ZFYVE28: variants seen among roughly 807,000 people sequenced by gnomAD.
ZFYVE28 encodes lateral signaling target protein 2 homolog.
Under a neutral mutation model 82.1 loss-of-function variants are expected in ZFYVE28, and 40 were observed. That is an observed-to-expected ratio of 0.49 (90% CI 0.38 to 0.63). ZFYVE28 has a LOEUF of 0.63. Ranked by LOEUF, ZFYVE28 falls within the 30% of genes least tolerant of loss-of-function variation. ZFYVE28 has a pLI of 0.00. For synonymous variants in ZFYVE28, 612 were observed against 546.1 expected (o/e 1.12, Z -1.68); for missense variants, 1,321 against 1,242.1 (o/e 1.06, Z -0.96).
Position 2,341,316 on chromosome 4 carries a change from G to A in ZFYVE28, c.318+162C>T. ...TTCCCAGATCCTCCAGGGGTGCACG[G>A]CCTACCAGGCTCAGACCACACCACG... On this transcript the variant is annotated intron_variant, in intron 3 of 12. Coordinates refer to ENST00000290974, the MANE Select transcript of ZFYVE28 (RefSeq NM_020972.3). This position sits in a 1 kb window ranked among gnomAD's most constrained non-coding sequence, Gnocchi z 4.5. 1.1e-6 allele frequency: 1 copy of A among 941,862 alleles called. No individual in the cohort carries two copies. The highest frequency in any genetic ancestry group is 1.6e-6 in the Non-Finnish European group (1 of 630,556). The allele number at this position is 941,862 out of a possible 1,614,324, so 58.3% of individuals were successfully genotyped here. A position where few individuals can be genotyped will look rare whatever the true frequency, so the allele number is the denominator to read the frequency against.
At chr4:2,294,970 A>AG (rs1212525716) in intron 8 of ZFYVE28, among the ~76,000 whole-genome samples, 1 of 151,868 alleles carries the variant, frequency 6.6e-6, no homozygotes, top group African/African-American at 2.4e-5. Context: ...CTTAAAAAAA[A>AG]AAAGATTTTC....
intron 8 of ZFYVE28, among the ~76,000 whole-genome samples, chr4:2,290,094 C>A (rs1713377138): frequency 6.6e-6 from 1 of 152,178 alleles, no homozygotes; most frequent in African/African-American, 2.4e-5. Flanking sequence ...ATGGCAGGCC[C>A]CGTCAGAGCC....
intron 1 of ZFYVE28, among the ~76,000 whole-genome samples, chr4:2,370,714 G>A (rs781551619): frequency 5.3e-5 from 8 of 152,170 alleles, no homozygotes; most frequent in Admixed American, 3.3e-4. Context: ...CCCACCTCTC[G>A]GCTCCCCGGA....
At chr4:2,391,259 C>T (rs1483447188) in intron 1 of ZFYVE28, among the ~76,000 whole-genome samples, 1 of 152,168 alleles carries the variant, frequency 6.6e-6, no homozygotes, top group African/African-American at 2.4e-5. Flanking sequence ...AGTCACTGTT[C>T]CTTCCTCTTT....
chr4:2,342,671 C>T (rs1240002970), intron 2 of ZFYVE28: 1 of 152,188 alleles, frequency 6.6e-6, no homozygotes, highest in African/African-American at 2.4e-5. Flanking sequence ...GGAGAAGAAG[C>T]CCATTTTTTT....
intron 1 of ZFYVE28, among the ~76,000 whole-genome samples, chr4:2,392,806 A>G (rs1729976633): frequency 6.6e-6 from 1 of 152,086 alleles, no homozygotes. Flanking sequence ...CTCTTCCCAT[A>G]CCCAATATTT....
At chr4:2,360,846 G>A (rs992624400) in intron 1 of ZFYVE28, among the ~76,000 whole-genome samples, 1 of 152,158 alleles carries the variant, frequency 6.6e-6, no homozygotes, top group African/African-American at 2.4e-5. Context: ...CTGCGGGCCC[G>A]ACAGATAAAT....
rs1249646091 is a variant in ZFYVE28 at position 2,408,967 on chromosome 4, CT to C, written c.39+9317del. Among the ~76,000 whole-genome samples, 1 of 152,194 alleles carries C rather than the reference CT, an allele frequency of 6.6e-6. No individual in the cohort carries two copies. Among genetic ancestry groups the C allele is most frequent in the Non-Finnish European group, 1.5e-5 (1 of 68,036 alleles). On this transcript the variant is annotated intron_variant, in intron 1 of 12. Coordinates refer to ENST00000290974, the MANE Select transcript of ZFYVE28 (RefSeq NM_020972.3). The surrounding 1 kb of genome is among the most constrained non-coding windows in gnomAD (Gnocchi z 4.3). ...TTATTTCTGGCACTAGGGGTTACAC[CT>C]TCTCTCTTGCCAGCTCAGTACTTTT...
At chr4:2,390,423 G>A (rs746271602) in intron 1 of ZFYVE28, among the ~76,000 whole-genome samples, 11 of 152,164 alleles carry the variant, frequency 7.2e-5, no homozygotes, top group Admixed American at 1.3e-4. Flanking sequence ...ACCACAGGGA[G>A]CCCCGTGTGT....
chr4:2,341,469 AC>A lies in ZFYVE28; in HGVS notation c.318+8del. 1 of 1,582,242 alleles carries A rather than the reference AC, an allele frequency of 6.3e-7. No homozygotes were observed. ...TCAGGACCTCCGAACCCGGGTGGCC[AC>A]CCGCTACCTCGGCACCGAACCACAG... is the stretch of plus-strand genomic sequence containing the variant. On this transcript the variant is annotated splice_region_variant and intron_variant, in intron 3 of 12. Coordinates refer to ENST00000290974, the MANE Select transcript of ZFYVE28 (RefSeq NM_020972.3). This position sits in a 1 kb window ranked among gnomAD's most constrained non-coding sequence, Gnocchi z 4.5.
At position 2,384,120 on chromosome 4, in the gene ZFYVE28, T is replaced by A. The variant is rs990047584; in HGVS notation, c.40-30047A>T. Among the ~76,000 whole-genome samples the A allele has an allele frequency of 3.3e-5, 5 of 152,160 alleles. No individual in the cohort carries two copies. In the East Asian group the frequency reaches 9.6e-4, roughly 29 times the overall value. On this transcript the variant is annotated intron_variant, in intron 1 of 12. Coordinates refer to ENST00000290974, the MANE Select transcript of ZFYVE28 (RefSeq NM_020972.3). ...GGGGTACACAGAGTAGATGCAGTGTTGGGTTCCCACATTCTACCCACAGGG... is the reference window on the plus strand; with the variant it reads ...GGGGTACACAGAGTAGATGCAGTGTAGGGTTCCCACATTCTACCCACAGGG...
At chr4:2,358,309 G>A (rs929487501) in intron 1 of ZFYVE28, among the ~76,000 whole-genome samples, 2 of 152,236 alleles carry the variant, frequency 1.3e-5, no homozygotes, top group Non-Finnish European at 2.9e-5. Flanking sequence ...GTGTGCATGT[G>A]AGACCAGTGC....
intron 1 of ZFYVE28, among the ~76,000 whole-genome samples, chr4:2,355,604 G>T (rs1725198500): frequency 6.6e-6 from 1 of 150,866 alleles, no homozygotes; most frequent in South Asian, 2.1e-4. Flanking sequence ...TTGAGACAGG[G>T]TCTCACTCTG....
Position 2,270,026 on chromosome 4 carries a change from G to A in ZFYVE28, c.*699C>T, listed in dbSNP as rs957050472. 32 of 152,312 alleles carry A rather than the reference G, an allele frequency of 2.1e-4. No individual in the cohort carries two copies. Among genetic ancestry groups the A allele is most frequent in the Non-Finnish European group, 4.1e-4 (28 of 68,154 alleles). 9.4% of individuals were successfully genotyped at this position (152,312 alleles called of 1,614,324 possible). On this transcript the variant is annotated 3_prime_UTR_variant, in exon 13 of 13. Transcript: ENST00000290974. ...AAGGCCCCGAGCAACCTCTGCCTGCGGTGTCAGTGCCTGGTCGGACCCCCA... is the reference window on the plus strand; with the variant it reads ...AAGGCCCCGAGCAACCTCTGCCTGCAGTGTCAGTGCCTGGTCGGACCCCCA...
At chr4:2,342,954 G>A (rs981940407) in intron 2 of ZFYVE28, 1 of 152,182 alleles carries the variant, frequency 6.6e-6, no homozygotes, top group Non-Finnish European at 1.5e-5. Flanking sequence ...ACGTTGAGAC[G>A]ATCCATGTAC....
At chr4:2,390,535 G>A (rs374643687) in intron 1 of ZFYVE28, among the ~76,000 whole-genome samples, 1 of 152,176 alleles carries the variant, frequency 6.6e-6, no homozygotes, top group East Asian at 1.9e-4. Flanking sequence ...GACAGAAGCT[G>A]GAGAAGCCAT....
Position 2,337,478 on chromosome 4 carries a change from C to G in ZFYVE28, c.540G>C (p.Val180=). The G allele has an allele frequency of 6.2e-7, 1 of 1,608,752 alleles. No individual in the cohort carries two copies. The highest frequency in any genetic ancestry group is 8.5e-7 in the Non-Finnish European group (1 of 1,177,312). Residue 180 remains valine (V), a synonymous_variant, in exon 5 of 13, where the codon GTG becomes GTC. Transcript: ENST00000290974. The part of the protein sequence containing the change: ...EFELSYVSAM[V]PVKSPREYYV... ...AGTACTCCCTGGGGGACTTCACAGG[C>G]ACCATGGCCGAGACGTAGCTGCAAA...
Position 2,417,433 on chromosome 4 carries a change from C to G in ZFYVE28, c.39+852G>C, listed in dbSNP as rs1733195155. On this transcript the variant is annotated intron_variant, in intron 1 of 12. Transcript: ENST00000290974. This position sits in a 1 kb window ranked among gnomAD's most constrained non-coding sequence, Gnocchi z 4.8. ...GCGCCCGCAGTGCGACTGGCGCAGC[C>G]GCTGAGGCACGGGGCGCGCCGCCCG... 6.7e-6 allele frequency among the ~76,000 whole-genome samples: 1 copy of G among 150,330 alleles called. No individual in the cohort carries two copies. The highest frequency in any genetic ancestry group is 1.5e-5 in the Non-Finnish European group (1 of 67,410).
At chr4:2,349,493 T>C (rs1189299684) in intron 2 of ZFYVE28, among the ~76,000 whole-genome samples, 2 of 152,100 alleles carry the variant, frequency 1.3e-5, no homozygotes, top group Non-Finnish European at 1.5e-5. Flanking sequence ...ATTGTGCACA[T>C]GTACCCTAAA....
Sources: gnomAD v4.1 joint callset for allele counts (sites outside exome capture counted in the v4.1 genomes callset) on GRCh38, gnomAD v4.1.1 for gene constraint, Gnocchi (gnomAD v3.1) non-coding constraint, MANE v1.5 for transcripts, NCBI Gene and HGNC (gene_info 2026-07-23, HGNC 2026-07-21) for gene names.